The following ZZEF1 variants were observed in gnomAD, a reference collection of about 807,000 sequenced individuals.
ZZEF1 encodes the protein zinc finger ZZ-type and EF-hand domain containing 1.
In ZZEF1, 157 loss-of-function variants were observed where a neutral mutation model predicts 342.8. That is an observed-to-expected ratio of 0.46 (90% CI 0.40 to 0.52). The LOEUF (loss-of-function observed/expected upper bound fraction) is 0.52, where lower values mean the gene tolerates loss of function less well. ZZEF1 is among the 20% of genes least tolerant of loss of function. ZZEF1 has a pLI of 0.00. For synonymous variants in ZZEF1, 1,505 were observed against 1,429.1 expected, an observed-to-expected ratio of 1.05 and a Z score of -1.20; for missense variants, 3,480 against 3,725.6, an observed-to-expected ratio of 0.93 and a Z score of 1.72.
At chr17:4,126,334 A>C (rs1417645697) in intron 1 of ZZEF1, among the ~76,000 whole-genome samples, 1 of 152,064 alleles carries the variant, frequency 6.6e-6, no homozygotes, top group African/African-American at 2.4e-5. Context: ...GGGAGTACTC[A>C]TAGTTCAAAA....
At position 4,088,748 on chromosome 17, in the gene ZZEF1, T is replaced by C. The variant is rs759596356; in HGVS notation, c.2171A>G (p.Glu724Gly). 3.7e-6 allele frequency: 6 copies of C among 1,614,110 alleles called. No homozygotes were observed. In the African/African-American group the frequency reaches 8.0e-5, roughly 22 times the overall value. ...CAACGTGGCCCCACAGACACTCTCC[T>C]CTGTGTCCTTTCTGCAGTGTGCACA... The part of the protein sequence containing the change: ...VTCAHCRKDT[E>G]ESVCGATLLL... Residue 724 changes from glutamate to glycine, a missense_variant, in exon 13 of 55, where the codon GAG (glutamate) becomes GGG (glycine). This residue lies in a region of ZZEF1 where 1,528 missense variants were observed against 1,624.1 expected (regional missense o/e 0.94). Coordinates refer to ENST00000381638, the MANE Select transcript of ZZEF1 (RefSeq NM_015113.4).
intron 13 of ZZEF1, 134 bp downstream of exon 13, chr17:4,088,544 T>C (rs1472555088): frequency 5.3e-6 from 5 of 934,970 alleles, no homozygotes; most frequent in African/African-American, 1.7e-5. Flanking sequence ...CAGCTTTTCA[T>C]GTCCCTGCAG....
chr17:4,108,950 T>A (rs561269004), intron 6 of ZZEF1, among the ~76,000 whole-genome samples: 2 of 152,234 alleles, frequency 1.3e-5, no homozygotes, highest in Admixed American at 6.5e-5. Context: ...TCTCACCGCC[T>A]ACACTATAGG....
Position 4,050,770 on chromosome 17 carries a change from T to C in ZZEF1, c.5863+11A>G. On this transcript the variant is annotated intron_variant, in intron 36 of 54. Transcript: ENST00000381638. Reference sequence around the variant, plus strand: ...AGGGCTGGTTTTGGTTTCTGTGCATTGGGAAGTCACCTTTTCCCTGATGAG... The same window carrying C: ...AGGGCTGGTTTTGGTTTCTGTGCATCGGGAAGTCACCTTTTCCCTGATGAG... 1.9e-6 allele frequency: 3 copies of C among 1,613,260 alleles called. No homozygotes were observed. The highest frequency in any genetic ancestry group is 2.5e-6 in the Non-Finnish European group (3 of 1,180,036).
intron 36 of ZZEF1, among the ~76,000 whole-genome samples, chr17:4,050,533 T>C (rs2057021976): frequency 6.6e-6 from 1 of 152,230 alleles, no homozygotes; most frequent in Non-Finnish European, 1.5e-5. Context: ...AGAGTTTTAA[T>C]TATTATTTAA....
intron 8 of ZZEF1, 110 bp downstream of exon 8, chr17:4,104,523 A>C (rs1425294694): frequency 2.4e-6 from 3 of 1,241,004 alleles, no homozygotes; most frequent in Admixed American, 4.3e-5. Flanking sequence ...TGGTGTAACT[A>C]TAACAACCCA....
At chr17:4,132,502 T>G (rs916959795) in intron 1 of ZZEF1, among the ~76,000 whole-genome samples, 1 of 152,076 alleles carries the variant, frequency 6.6e-6, no homozygotes, top group Non-Finnish European at 1.5e-5. Context: ...ATCAAGACCA[T>G]CCTGGCTAAC....
chr17:4,058,733 G>T (rs1463068714), intron 31 of ZZEF1, among the ~76,000 whole-genome samples: 2 of 152,050 alleles, frequency 1.3e-5, no homozygotes, highest in Admixed American at 6.5e-5. Context: ...AAAATTAGCC[G>T]GGCATGGTGG....
At chr17:4,097,469 T>G in intron 9 of ZZEF1, among the ~76,000 whole-genome samples, 1 of 76,726 alleles carries the variant, frequency 1.3e-5, no homozygotes, top group Admixed American at 1.7e-4. Flanking sequence ...TGAAAGGCTT[T>G]GAAATGGGAA....
chr17:4,105,773 TGAGA>T lies in ZZEF1; in HGVS notation c.1310_1313del (p.Leu437HisfsTer24). Reference sequence around the variant, plus strand: ...AAGTTGAGAAATCTGTAGATCCTGGTGAGAGAGAGAGTGGAGGCATGTGCCGCAG... The same window carrying T: ...AAGTTGAGAAATCTGTAGATCCTGGTGAGAGAGTGGAGGCATGTGCCGCAG... On this transcript the variant is annotated frameshift_variant, in exon 7 of 55. Coordinates refer to ENST00000381638, the MANE Select transcript of ZZEF1 (RefSeq NM_015113.4). LOFTEE classifies it high-confidence loss of function. 2.5e-6 allele frequency: 4 copies of T among 1,613,176 alleles called. No individual in the cohort carries two copies. The highest frequency in any genetic ancestry group is 3.4e-6 in the Non-Finnish European group (4 of 1,179,652).
At chr17:4,040,866 A>AT (rs2056787501) in intron 39 of ZZEF1, among the ~76,000 whole-genome samples, 1 of 152,186 alleles carries the variant, frequency 6.6e-6, no homozygotes, top group Non-Finnish European at 1.5e-5. Flanking sequence ...TAAAATCAAC[A>AT]TAAAAAGGCT....
chr17:4,019,790 CA>C (rs1481889130), intron 45 of ZZEF1, 21 bp from the exon 46 acceptor site: 1 of 1,575,026 alleles, frequency 6.3e-7, no homozygotes, highest in East Asian at 2.3e-5. Context: ...GGGGAGGACG[CA>C]GACAAGAACC....
chr17:4,023,835 CA>C (rs1006559685), intron 43 of ZZEF1, among the ~76,000 whole-genome samples: 6 of 151,942 alleles, frequency 3.9e-5, no homozygotes, highest in African/African-American at 7.3e-5. Flanking sequence ...CTGTCTCAAA[CA>C]AAGAAATGCC....
chr17:4,006,816 C>A lies in ZZEF1; in HGVS notation c.*74G>T. 1 of 1,497,862 alleles carries A rather than the reference C, an allele frequency of 6.7e-7. No homozygotes were observed. Among genetic ancestry groups the A allele is most frequent in the South Asian group, 1.2e-5 (1 of 82,900 alleles). 92.8% of individuals were successfully genotyped at this position (1,497,862 alleles called of 1,614,324 possible). ...TGGGCACTGGCGCTACAGGAGTTTT[C>A]CTGAATGAGGTTAGATGTCTGCTCT... On this transcript the variant is annotated 3_prime_UTR_variant, in exon 55 of 55. Transcript: ENST00000381638.
At chr17:4,032,068 T>TA (rs2056560840) in intron 42 of ZZEF1, 58 bp downstream of exon 42, 1 of 1,569,354 alleles carries the variant, frequency 6.4e-7, no homozygotes, top group African/African-American at 1.4e-5. Flanking sequence ...GATTTTAGGG[T>TA]ACGGAGGGAT....
chr17:4,114,184 C>A, intron 4 of ZZEF1, 115 bp downstream of exon 4: 1 of 755,182 alleles, frequency 1.3e-6, no homozygotes, highest in Non-Finnish European at 1.9e-6. Flanking sequence ...TTACATGATT[C>A]ATTTTACTTG....
chr17:4,050,299 G>A (rs573573012), intron 36 of ZZEF1, among the ~76,000 whole-genome samples: 2 of 152,202 alleles, frequency 1.3e-5, no homozygotes, highest in East Asian at 3.9e-4. Flanking sequence ...ATTATCTGAA[G>A]GAACTTAGAT....
At chr17:4,091,773 T>C (rs1039813154) in intron 11 of ZZEF1, among the ~76,000 whole-genome samples, 1 of 137,508 alleles carries the variant, frequency 7.3e-6, no homozygotes, top group African/African-American at 2.8e-5. Context: ...CAAGGCTCCA[T>C]CTCAAAAAAA....
intron 38 of ZZEF1, 81 bp from the exon 39 acceptor site, chr17:4,042,649 T>A: frequency 1.5e-6 from 2 of 1,344,112 alleles, no homozygotes; most frequent in Non-Finnish European, 1.0e-6. Flanking sequence ...CACTGTCCCC[T>A]GTGCTGCTAC....
Sources: allele counts gnomAD v4.1 joint callset (sites outside exome capture counted in the v4.1 genomes callset), GRCh38; gene constraint gnomAD v4.1.1; regional missense constraint gnomAD v4.1.1; transcripts MANE v1.5; gene names NCBI Gene and HGNC (gene_info 2026-07-23, HGNC 2026-07-21).